FBN1: variants seen among roughly 807,000 people sequenced by gnomAD.
FBN1 encodes the protein fibrillin-1.
FBN1 carries 29 observed loss-of-function variants against 365.1 expected under a neutral mutation model. That is an observed-to-expected ratio of 0.08 (90% CI 0.06 to 0.11). FBN1 has a LOEUF of 0.11. Ranked by LOEUF, FBN1 falls within the 10% of genes least tolerant of loss-of-function variation. FBN1 has a pLI of 1.00. For synonymous variants in FBN1, 1,210 were observed against 1,270.5 expected (o/e 0.95, Z 1.01); for missense variants, 2,476 against 3,703.2 (o/e 0.67, Z 8.60).
intron 37 of FBN1, 132 bp downstream of exon 37, chr15:48,468,280 C>T (rs985959672): frequency 7.3e-7 from 1 of 1,375,286 alleles, no homozygotes; most frequent in East Asian, 2.4e-5. Context: ...ATATCTGAAT[C>T]TAAAGTAGAG....
intron 17 of FBN1, among the ~76,000 whole-genome samples, chr15:48,499,513 A>G (rs993314895): frequency 1.3e-5 from 2 of 152,180 alleles, no homozygotes; most frequent in African/African-American, 2.4e-5. Context: ...CACAAGAGCA[A>G]CAACAGAATA....
chr15:48,584,767 G>C (rs1414678959), intron 6 of FBN1, among the ~76,000 whole-genome samples: 1 of 152,150 alleles, frequency 6.6e-6, no homozygotes, highest in Non-Finnish European at 1.5e-5. Context: ...ATTTTCGATG[G>C]TGATTTAGGG....
intron 60 of FBN1, 91 bp from the exon 61 acceptor site, chr15:48,422,159 G>C: frequency 1.2e-6 from 1 of 867,254 alleles, no homozygotes; most frequent in South Asian, 1.4e-5. Context: ...CGTTTGATTT[G>C]GAGGTCTCAA....
chr15:48,537,464 A>G, intron 7 of FBN1, 147 bp downstream of exon 7: 1 of 916,318 alleles, frequency 1.1e-6, no homozygotes, highest in South Asian at 1.5e-5. Flanking sequence ...CCACGTTCCT[A>G]ATGCCTTAGT....
Position 48,444,596 on chromosome 15 carries a change from C to A in FBN1, c.5982G>T (p.Gly1994=). The change falls in exon 49 of 66, where the codon GGG becomes GGT. Residue 1994 remains glycine (G), a synonymous_variant. Coordinates refer to ENST00000316623, the MANE Select transcript of FBN1 (RefSeq NM_000138.5). ...CAGGTGGGCAAATGCATCTGTAGGA[C>A]CCATCCAAGTTTTGACAGGTACCTG... ...CAPGTCQNLD[G]SYRCICPPGY... 6.2e-7 allele frequency: 1 copy of A among 1,613,594 alleles called. No homozygotes were observed. Among genetic ancestry groups the A allele is most frequent in the Non-Finnish European group, 8.5e-7 (1 of 1,179,676 alleles).
At chr15:48,418,131 AAAG>A (rs2042915675) in intron 63 of FBN1, among the ~76,000 whole-genome samples, 1 of 152,252 alleles carries the variant, frequency 6.6e-6, no homozygotes, top group Non-Finnish European at 1.5e-5. Flanking sequence ...TATAGCAAAA[AAAG>A]ACATTTCTAA....
intron 4 of FBN1, among the ~76,000 whole-genome samples, chr15:48,600,700 G>A (rs57629093): frequency 0.013 from 1,917 of 151,540 alleles, 39 homozygotes; most frequent in African/African-American, 0.044. Flanking sequence ...GCGAGCGAAA[G>A]AAAGAAAAAA....
At chr15:48,489,752 T>G (rs2043540050) in intron 25 of FBN1, 99 bp downstream of exon 25, 1 of 962,642 alleles carries the variant, frequency 1.0e-6, no homozygotes, top group South Asian at 1.3e-5. Context: ...AAGCAAAAAG[T>G]CCATGCTGGG....
chr15:48,439,614 C>T (rs1221093303), intron 50 of FBN1, among the ~76,000 whole-genome samples: 1 of 152,166 alleles, frequency 6.6e-6, no homozygotes, highest in Non-Finnish European at 1.5e-5. Context: ...AAACTTAACT[C>T]TGCTTTGTCT....
intron 41 of FBN1, 102 bp from the exon 42 acceptor site, chr15:48,463,342 T>C (rs2043295647): frequency 8.6e-7 from 1 of 1,158,686 alleles, no homozygotes; most frequent in Non-Finnish European, 1.3e-6. Context: ...TTCATTTGAA[T>C]TGTATTGTAG....
At chr15:48,448,725 T>A in intron 46 of FBN1, 43 bp downstream of exon 46, 1 of 1,590,632 alleles carries the variant, frequency 6.3e-7, no homozygotes, top group Non-Finnish European at 8.6e-7. Flanking sequence ...CAAATGAAGC[T>A]TTCAACAGCA....
chr15:48,593,201 C>T (rs1400732321), intron 6 of FBN1, among the ~76,000 whole-genome samples: 1 of 152,134 alleles, frequency 6.6e-6, no homozygotes, highest in African/African-American at 2.4e-5. Context: ...TAATGTGATA[C>T]AAATCCTGCC....
At chr15:48,536,868 T>C (rs868335006) in intron 7 of FBN1, among the ~76,000 whole-genome samples, 1 of 152,226 alleles carries the variant, frequency 6.6e-6, no homozygotes, top group Admixed American at 6.5e-5. Flanking sequence ...TCTGAAAATA[T>C]TGCAACTTGC....
intron 8 of FBN1, among the ~76,000 whole-genome samples, chr15:48,528,563 AT>A (rs1442266749): frequency 6.6e-6 from 1 of 152,162 alleles, no homozygotes; most frequent in Non-Finnish European, 1.5e-5. Context: ...GAGGCCCATC[AT>A]TTATAAAGTG....
At position 48,636,479 on chromosome 15, in the gene FBN1, A is replaced by T. The variant is rs115899265; in HGVS notation, c.164+8127T>A. On this transcript the variant is annotated intron_variant, in intron 2 of 65. Transcript: ENST00000316623. Reference sequence around the variant, plus strand: ...GTTGTTCAAGATCCAGCCCCAACAGACACTCACTCTGAGCAAGGCCTAGTC... The same window carrying T: ...GTTGTTCAAGATCCAGCCCCAACAGTCACTCACTCTGAGCAAGGCCTAGTC... Among the ~76,000 whole-genome samples, 818 of 152,194 alleles carry T rather than the reference A, an allele frequency of 5.4e-3. 7 individuals carry two copies. Among genetic ancestry groups the T allele is most frequent in the African/African-American group, 0.019 (774 of 41,518 alleles).
intron 6 of FBN1, among the ~76,000 whole-genome samples, chr15:48,552,606 A>G (rs1674663454): frequency 6.6e-6 from 1 of 152,098 alleles, no homozygotes; most frequent in Non-Finnish European, 1.5e-5. Context: ...ACCACCAGCT[A>G]CCATATACCT....
chr15:48,429,351 ATAT>A (rs1180948745), intron 56 of FBN1, among the ~76,000 whole-genome samples: 1 of 152,246 alleles, frequency 6.6e-6, no homozygotes, highest in Non-Finnish European at 1.5e-5. Flanking sequence ...TATTTCAACA[ATAT>A]TATTAAGAAA....
At chr15:48,441,880 A>C in intron 49 of FBN1, 34 bp from the exon 50 acceptor site, 1 of 1,610,794 alleles carries the variant, frequency 6.2e-7, no homozygotes, top group Non-Finnish European at 8.5e-7. Context: ...CAAAGTCAAA[A>C]CACGATGGAG....
At chr15:48,469,534 T>A (rs971439814) in intron 36 of FBN1, among the ~76,000 whole-genome samples, 2 of 152,088 alleles carry the variant, frequency 1.3e-5, no homozygotes, top group African/African-American at 4.8e-5. Flanking sequence ...TGAACACTCA[T>A]GAAATACTCA....
Sources: allele counts gnomAD v4.1 joint callset (sites outside exome capture counted in the v4.1 genomes callset), GRCh38; gene constraint gnomAD v4.1.1; transcripts MANE v1.5; gene names NCBI Gene and HGNC (gene_info 2026-07-23, HGNC 2026-07-21).